C8orf88: variants seen among roughly 807,000 people sequenced by gnomAD.
C8orf88 encodes chromosome 8 open reading frame 88, also known as uncharacterized protein C8orf88.
A neutral mutation model predicts 18.4 loss-of-function variants in C8orf88; 14 were observed. That is an observed-to-expected ratio of 0.76 (90% CI 0.50 to 1.19). The LOEUF (loss-of-function observed/expected upper bound fraction) is 1.19. C8orf88 is among the 50% of genes most tolerant of loss of function. The pLI, the probability that C8orf88 is intolerant of heterozygous loss-of-function variation, is 0.00. For synonymous variants in C8orf88, 45 were observed against 42.9 expected, an observed-to-expected ratio of 1.05 and a Z score of -0.19; for missense variants, 116 against 134.7, an observed-to-expected ratio of 0.86 and a Z score of 0.69.
chr8:90,981,193 C>T (rs1213867168), intron 1 of C8orf88, among the ~76,000 whole-genome samples: 1 of 152,128 alleles, frequency 6.6e-6, no homozygotes, highest in Non-Finnish European at 1.5e-5. Flanking sequence ...TAATTAATAA[C>T]TTTAACTCCT....
intron 3 of C8orf88, among the ~76,000 whole-genome samples, chr8:90,977,361 G>T (rs952094298): frequency 2.0e-5 from 3 of 152,090 alleles, no homozygotes; most frequent in Non-Finnish European, 4.4e-5. Context: ...TCAAAAAGTT[G>T]AAATTAAGAA....
chr8:90,976,308 T>G (rs1225349459), intron 3 of C8orf88, among the ~76,000 whole-genome samples: 1 of 152,154 alleles, frequency 6.6e-6, no homozygotes, highest in South Asian at 2.1e-4. Context: ...TTTGAAAATA[T>G]ATCAAGTATC....
chr8:90,974,273 C>T (rs888763815), intron 3 of C8orf88, among the ~76,000 whole-genome samples: 13 of 152,140 alleles, frequency 8.5e-5, no homozygotes, highest in African/African-American at 2.9e-4. Flanking sequence ...AAGAGACTGG[C>T]AACTTCTATC....
intron 5 of C8orf88, among the ~76,000 whole-genome samples, chr8:90,960,154 C>A (rs1811104890): frequency 6.6e-6 from 1 of 151,296 alleles, no homozygotes. Flanking sequence ...CTAAGAGATG[C>A]ATGTATGTAT....
chr8:90,968,614 A>G (rs1179090059), intron 4 of C8orf88, among the ~76,000 whole-genome samples: 1 of 140,008 alleles, frequency 7.1e-6, no homozygotes, highest in Admixed American at 7.2e-5. Flanking sequence ...AAGACACCCT[A>G]TCAAGAGAAT....
At chr8:90,962,402 T>C (rs1160692672) in intron 4 of C8orf88, among the ~76,000 whole-genome samples, 4 of 151,474 alleles carry the variant, frequency 2.6e-5, no homozygotes, top group Admixed American at 6.6e-5. Context: ...AATAGCCAAG[T>C]AGAGAACTCT....
chr8:90,965,870 C>A (rs552614738), intron 4 of C8orf88, among the ~76,000 whole-genome samples: 1 of 151,658 alleles, frequency 6.6e-6, no homozygotes, highest in African/African-American at 2.4e-5. Flanking sequence ...TTATGAGATG[C>A]AGCAAAAACA....
chr8:90,970,045 C>CA (rs2130310892), intron 4 of C8orf88, among the ~76,000 whole-genome samples: 1 of 151,720 alleles, frequency 6.6e-6, no homozygotes, highest in East Asian at 1.9e-4. Context: ...AAAGAGTTAA[C>CA]AATAGATAAC....
At chr8:90,966,267 ACTGC>A (rs1811194652) in intron 4 of C8orf88, among the ~76,000 whole-genome samples, 1 of 148,216 alleles carries the variant, frequency 6.7e-6, no homozygotes, top group South Asian at 2.1e-4. Flanking sequence ...AAAACCAAAC[ACTGC>A]ATATTCTCAC....
Position 90,978,620 on chromosome 8 carries a change from A to G in C8orf88, c.106T>C (p.Tyr36His), listed in dbSNP as rs972744788. Residue 36 changes from tyrosine to histidine, a missense_variant, in exon 3 of 6, where the codon TAT (tyrosine) becomes CAT (histidine). Coordinates refer to ENST00000517562, the MANE Select transcript of C8orf88 (RefSeq NM_001190972.2). ...AVFPFNFQNE[Y>H]PCNTQCIQSG... Reference sequence around the variant, plus strand: ...TGTATGCACTGAGTGTTGCATGGATATTCGTTTTGAAAGTTGAAAGGGAAC... The same window carrying G: ...TGTATGCACTGAGTGTTGCATGGATGTTCGTTTTGAAAGTTGAAAGGGAAC... The G allele has an allele frequency of 2.0e-6, 3 of 1,531,698 alleles. No homozygotes were observed. The highest frequency in any genetic ancestry group is 2.6e-6 in the Non-Finnish European group (3 of 1,144,472). 94.9% of individuals were successfully genotyped at this position (1,531,698 alleles called of 1,614,324 possible).
At chr8:90,969,634 CA>C (rs1212744935) in intron 4 of C8orf88, among the ~76,000 whole-genome samples, 1 of 151,794 alleles carries the variant, frequency 6.6e-6, no homozygotes, top group Non-Finnish European at 1.5e-5. Context: ...ATGGCCTAAG[CA>C]GAGAGAAGAG....
chr8:90,960,744 GT>G lies in C8orf88; in HGVS notation c.327del (p.Lys109AsnfsTer28). On this transcript the variant is annotated frameshift_variant, in exon 5 of 6. Coordinates refer to ENST00000517562, the MANE Select transcript of C8orf88 (RefSeq NM_001190972.2). LOFTEE classifies it high-confidence loss of function. ...FLPDHPIVLQ[K>X]PENNQSFK ...TACAAACTTAGAAAACTACTTACTG[GT>G]TTTTGCAGTACAATGGGATGATCAG... 3 of 1,513,528 alleles carry G rather than the reference GT, an allele frequency of 2.0e-6. No homozygotes were observed. The highest frequency in any genetic ancestry group is 1.4e-5 in the African/African-American group (1 of 72,350). 93.8% of individuals were successfully genotyped at this position (1,513,528 alleles called of 1,614,324 possible).
At chr8:90,978,236 A>T (rs1204200443) in intron 3 of C8orf88, among the ~76,000 whole-genome samples, 1 of 152,212 alleles carries the variant, frequency 6.6e-6, no homozygotes, top group East Asian at 1.9e-4. Context: ...TAAAACAATT[A>T]TATTTATCAT....
chr8:90,979,670 TAAGAAA>T (rs1459951276), intron 2 of C8orf88, among the ~76,000 whole-genome samples: 1 of 152,108 alleles, frequency 6.6e-6, no homozygotes, highest in Non-Finnish European at 1.5e-5. Context: ...ATACACAGAC[TAAGAAA>T]AAGTTTAAAA....
intron 2 of C8orf88, 66 bp downstream of exon 2, chr8:90,980,297 G>T: frequency 5.2e-6 from 5 of 961,732 alleles, no homozygotes; most frequent in East Asian, 3.1e-5. Context: ...ATATTATTTA[G>T]CTTTTCAAAT....
At chr8:90,975,998 A>G (rs1811343830) in intron 3 of C8orf88, among the ~76,000 whole-genome samples, 1 of 152,068 alleles carries the variant, frequency 6.6e-6, no homozygotes, top group African/African-American at 2.4e-5. Context: ...GCTGAGCAAA[A>G]GAACCCAGCA....
intron 4 of C8orf88, among the ~76,000 whole-genome samples, chr8:90,969,757 T>C (rs1200290782): frequency 6.6e-6 from 1 of 151,916 alleles, no homozygotes; most frequent in Non-Finnish European, 1.5e-5. Context: ...GCCATTTAAT[T>C]GTACATTTTT....
At chr8:90,964,195 A>G (rs956877647) in intron 4 of C8orf88, among the ~76,000 whole-genome samples, 4 of 151,718 alleles carry the variant, frequency 2.6e-5, no homozygotes, top group African/African-American at 9.7e-5. Flanking sequence ...AGGAGCATCT[A>G]TCTGTATAAT....
upstream of C8orf88, chr8:90,985,310 G>C (rs1459950910): frequency 2.0e-5 from 3 of 150,646 alleles, no homozygotes; most frequent in Admixed American, 6.6e-5. Context: ...CGAGGGGCAC[G>C]AGGCGGGCCC....
Sources: allele counts gnomAD v4.1 joint callset (sites outside exome capture counted in the v4.1 genomes callset), GRCh38; gene constraint gnomAD v4.1.1; transcripts MANE v1.5; gene names NCBI Gene and HGNC (gene_info 2026-07-23, HGNC 2026-07-21).